IL6R: variants seen among roughly 807,000 people sequenced by gnomAD.
IL6R encodes interleukin 6 receptor, also known as interleukin-6 receptor subunit alpha.
In IL6R, 38 loss-of-function variants were observed where a neutral mutation model predicts 48.3. The observed-to-expected ratio is 0.79, with a 90% CI of 0.61 to 1.03. IL6R has a LOEUF of 1.03. IL6R is among the 50% of genes least tolerant of loss of function. IL6R has a pLI of 0.00. For missense variants in IL6R, 534 were observed against 618.3 expected (o/e 0.86, Z 1.45); for synonymous variants, 264 against 256.2 (o/e 1.03, Z -0.29).
At chr1:154,464,667 A>C (rs982398107) in intron 9 of IL6R, among the ~76,000 whole-genome samples, 1 of 152,130 alleles carries the variant, frequency 6.6e-6, no homozygotes, top group South Asian at 2.1e-4. Context: ...CCTGGTGATA[A>C]AAACAGTCGG....
intron 3 of IL6R, among the ~76,000 whole-genome samples, chr1:154,431,942 A>G (rs925750671): frequency 8.5e-5 from 13 of 152,304 alleles, no homozygotes; most frequent in African/African-American, 3.1e-4. Context: ...GGAATTTCCC[A>G]TTTAATATTT....
At chr1:154,407,573 T>G (rs1687799536) in intron 1 of IL6R, among the ~76,000 whole-genome samples, 1 of 151,008 alleles carries the variant, frequency 6.6e-6, no homozygotes, top group Non-Finnish European at 1.5e-5. Context: ...AACTGGAGAG[T>G]AAAAATAAAG....
At chr1:154,434,459 C>T (rs1189249439) in intron 3 of IL6R, 60 bp from the exon 4 acceptor site, 34 of 1,477,422 alleles carry the variant, frequency 2.3e-5, no homozygotes, top group Middle Eastern at 2.5e-4. Context: ...CCCCTTCTGT[C>T]CCGTCTTGAG....
At position 154,429,263 on chromosome 1, in the gene IL6R, G is replaced by A; in HGVS notation, c.153G>A (p.Glu51=). The change falls in exon 2 of 10, where the codon GAG becomes GAA. Residue 51 remains glutamate, a synonymous_variant. Coordinates refer to ENST00000368485, the MANE Select transcript of IL6R (RefSeq NM_000565.4). ...DSVTLTCPGV[E]PEDNATVHWV... Reference sequence around the variant, plus strand: ...TGACTCTGACCTGCCCGGGGGTAGAGCCGGAAGACAATGCCACTGTTCACT... The same window carrying A: ...TGACTCTGACCTGCCCGGGGGTAGAACCGGAAGACAATGCCACTGTTCACT... 1 of 1,614,162 alleles carries A rather than the reference G, an allele frequency of 6.2e-7. No homozygotes were observed. Among genetic ancestry groups the A allele is most frequent in the Non-Finnish European group, 8.5e-7 (1 of 1,180,024 alleles).
rs912630482 is a variant in IL6R, at chr1:154,405,725, C to A, written c.85+11C>A. 14 of 1,479,440 alleles carry A rather than the reference C, an allele frequency of 9.5e-6. No homozygotes were observed. In the African/African-American group the frequency reaches 1.3e-4, roughly 14 times the overall value. 91.6% of individuals were successfully genotyped at this position (1,479,440 alleles called of 1,614,324 possible). ...GCTGCCCTGCGCAGGGTAAGGGCTT[C>A]GGGCGCACCTGGAGGGCTGGGGCAG... On this transcript the variant is annotated intron_variant, in intron 1 of 9. Coordinates refer to ENST00000368485, the MANE Select transcript of IL6R (RefSeq NM_000565.4). This position sits in a 1 kb window ranked among gnomAD's most constrained non-coding sequence, Gnocchi z 5.2.
In IL6R at chr1:154,454,470, AT is replaced by A. The variant is rs748952018; in HGVS notation, c.1067-8del. The A allele has an allele frequency of 3.3e-3, 4,313 of 1,318,106 alleles. No homozygotes were observed. The highest frequency in any genetic ancestry group is 4.0e-3 in the Non-Finnish European group (3,731 of 939,198). 81.7% of individuals were successfully genotyped at this position (1,318,106 alleles called of 1,614,324 possible). A position where few individuals can be genotyped will look rare whatever the true frequency, so the allele number is the denominator to read the frequency against. ...TTCTCCTCTTCCTCCTCTATCTTCA[AT>A]TTTTTTTTTAACCTAGTGCAAGATT... On this transcript the variant is annotated splice_polypyrimidine_tract_variant and intron_variant, in intron 8 of 9. Transcript: ENST00000368485.
At chr1:154,430,712 A>C in intron 3 of IL6R, 106 bp downstream of exon 3, 2 of 1,436,996 alleles carry the variant, frequency 1.4e-6, no homozygotes, top group Non-Finnish European at 1.9e-6. Context: ...TTAGGAATTA[A>C]TTCCTTCAGG....
Position 154,405,610 on chromosome 1 carries a change from G to A in IL6R, c.-20G>A. ...CTGTCCGCCTCTGCGGGACCATGGA[G>A]TGGTAGCCGAGGAGGAAGCATGCTG... On this transcript the variant is annotated 5_prime_UTR_variant, in exon 1 of 10. The change creates a new upstream start codon in the 5' untranslated region. Transcript: ENST00000368485. The surrounding 1 kb of genome is among the most constrained non-coding windows in gnomAD (Gnocchi z 5.2). The A allele has an allele frequency of 2.6e-6, 4 of 1,529,222 alleles. No homozygotes were observed. Among genetic ancestry groups the A allele is most frequent in the Non-Finnish European group, 1.7e-6 (2 of 1,145,030 alleles). 94.7% of individuals were successfully genotyped at this position (1,529,222 alleles called of 1,614,324 possible).
At chr1:154,419,878 A>T (rs935794412) in intron 1 of IL6R, among the ~76,000 whole-genome samples, 1 of 152,148 alleles carries the variant, frequency 6.6e-6, no homozygotes, top group African/African-American at 2.4e-5. Context: ...GATTCCTGGC[A>T]CCCAAACTTA....
chr1:154,454,739 C>T (rs1443963537), intron 9 of IL6R, among the ~76,000 whole-genome samples, 158 bp downstream of exon 9: 2 of 152,138 alleles, frequency 1.3e-5, no homozygotes, highest in South Asian at 2.1e-4. Flanking sequence ...ACTATTATGC[C>T]AAGCCGTGTT....
rs1018599433 is a variant in IL6R, at chr1:154,465,409, C to A, written c.*29C>A. The A allele has an allele frequency of 3.1e-6, 5 of 1,612,244 alleles. No individual in the cohort carries two copies. In the African/African-American group the frequency reaches 4.0e-5, roughly 13 times the overall value. On this transcript the variant is annotated 3_prime_UTR_variant, in exon 10 of 10. Coordinates refer to ENST00000368485, the MANE Select transcript of IL6R (RefSeq NM_000565.4). ...GCTGGGTGGCACCAGCAGCCTGGACCCTGTGGATGATAAAACACAAACGGG... is the reference window on the plus strand; with the variant it reads ...GCTGGGTGGCACCAGCAGCCTGGACACTGTGGATGATAAAACACAAACGGG...
intron 8 of IL6R, 53 bp downstream of exon 8, chr1:154,450,033 C>T (rs2149263707): frequency 8.6e-7 from 1 of 1,158,706 alleles, no homozygotes; most frequent in Non-Finnish European, 1.3e-6. Context: ...GAAGATTTGT[C>T]TCTGCAGAAA....
rs2149195931 is a variant in IL6R, at chr1:154,405,585, C to G, written c.-45C>G. 7.5e-7 allele frequency: 1 copy of G among 1,338,628 alleles called. No homozygotes were observed. Among genetic ancestry groups the G allele is most frequent in the Non-Finnish European group, 9.8e-7 (1 of 1,016,638 alleles). 82.9% of individuals were successfully genotyped at this position (1,338,628 alleles called of 1,614,324 possible). A position where few individuals can be genotyped will look rare whatever the true frequency, so the allele number is the denominator to read the frequency against. ...CCCCTGCCGCCCGGTTCCCATTAGC[C>G]TGTCCGCCTCTGCGGGACCATGGAG... On this transcript the variant is annotated 5_prime_UTR_variant, in exon 1 of 10. Coordinates refer to ENST00000368485, the MANE Select transcript of IL6R (RefSeq NM_000565.4). The surrounding 1 kb of genome is among the most constrained non-coding windows in gnomAD (Gnocchi z 5.2).
intron 1 of IL6R, among the ~76,000 whole-genome samples, chr1:154,411,687 C>G (rs1688028131): frequency 6.6e-6 from 1 of 152,144 alleles, no homozygotes; most frequent in South Asian, 2.1e-4. Flanking sequence ...TTGGGCAAGT[C>G]ACTACAAGCT....
intron 9 of IL6R, among the ~76,000 whole-genome samples, chr1:154,458,623 A>T (rs568791326): frequency 6.6e-6 from 1 of 151,728 alleles, no homozygotes; most frequent in African/African-American, 2.4e-5. Flanking sequence ...AGAATAGGCC[A>T]GGCGCGGTGG....
At chr1:154,414,713 A>G (rs1418463751) in intron 1 of IL6R, 3 of 830,738 alleles carry the variant, frequency 3.6e-6, no homozygotes, top group Non-Finnish European at 6.2e-6. Flanking sequence ...TCCATTAGGT[A>G]TTGCTCCAGG....
intron 1 of IL6R, among the ~76,000 whole-genome samples, chr1:154,416,489 A>G (rs886103095): frequency 1.3e-5 from 2 of 152,060 alleles, no homozygotes; most frequent in Non-Finnish European, 2.9e-5. Context: ...TGTATTTTTA[A>G]TGCCGAGTCT....
intron 9 of IL6R, among the ~76,000 whole-genome samples, chr1:154,458,536 A>G (rs545965851): frequency 2.6e-5 from 4 of 152,220 alleles, no homozygotes; most frequent in South Asian, 2.1e-4. Context: ...CACAGGCCCT[A>G]TAGAGTAGAG....
rs1320173203 is a variant in IL6R, at chr1:154,436,228, C to T, written c.949+118C>T. 5.3e-6 allele frequency: 6 copies of T among 1,133,768 alleles called. No individual in the cohort carries two copies. In the East Asian group the frequency reaches 1.6e-4, roughly 30 times the overall value. The allele number at this position is 1,133,768 out of a possible 1,614,324, so 70.2% of individuals were successfully genotyped here. A position where few individuals can be genotyped will look rare whatever the true frequency, so the allele number is the denominator to read the frequency against. On this transcript the variant is annotated intron_variant, in intron 6 of 9. Coordinates refer to ENST00000368485, the MANE Select transcript of IL6R (RefSeq NM_000565.4). Reference sequence around the variant, plus strand: ...GGCTTAGGCCAGGTGTGGTGGCTCACACCTGTAATCCCAGCACTTTGGGAG... The same window carrying T: ...GGCTTAGGCCAGGTGTGGTGGCTCATACCTGTAATCCCAGCACTTTGGGAG...
Sources: gnomAD v4.1 joint callset for allele counts (sites outside exome capture counted in the v4.1 genomes callset) on GRCh38, gnomAD v4.1.1 for gene constraint, Gnocchi (gnomAD v3.1) non-coding constraint, MANE v1.5 for transcripts, NCBI Gene and HGNC (gene_info 2026-07-23, HGNC 2026-07-21) for gene names.